Variants in TTBK2 observed in about 807,000 individuals in gnomAD.
TTBK2 encodes the protein tau-tubulin kinase 2.
A neutral mutation model predicts 110.8 loss-of-function variants in TTBK2; 28 were observed. The ratio of observed to expected loss-of-function variants is 0.25; its 90% CI spans 0.19 to 0.35. The LOEUF is 0.35. TTBK2 is among the 10% of genes least tolerant of loss of function. TTBK2 has a pLI of 1.00. For synonymous variants in TTBK2, 532 were observed against 527.3 expected, an observed-to-expected ratio of 1.01 and a Z score of -0.12; for missense variants, 1,369 against 1,500.3, an observed-to-expected ratio of 0.91 and a Z score of 1.45.
At chr15:42,783,000 A>G (rs1890244596) in intron 11 of TTBK2, among the ~76,000 whole-genome samples, 2 of 152,244 alleles carry the variant, frequency 1.3e-5, no homozygotes, top group South Asian at 2.1e-4. Context: ...CCTGATTACT[A>G]TTCATCCAGA....
At chr15:42,865,524 A>C (rs1433631391) in intron 3 of TTBK2, among the ~76,000 whole-genome samples, 2 of 88,994 alleles carry the variant, frequency 2.2e-5, no homozygotes, top group East Asian at 2.6e-4. Context: ...AAAAAAAAAA[A>C]AAAAACCAAC....
chr15:42,816,086 AT>A (rs1255097195), intron 7 of TTBK2, among the ~76,000 whole-genome samples: 2 of 20,072 alleles, frequency 1.0e-4, no homozygotes, highest in South Asian at 1.4e-3. Flanking sequence ...AAATAAATAA[AT>A]ATATATATAT....
rs1889865773 is a variant in TTBK2 at position 42,775,398 on chromosome 15, A to T, written c.1735T>A (p.Ser579Thr). The change falls in exon 13 of 15, where the codon TCT (serine) becomes ACT (threonine). Residue 579 changes from serine to threonine, a missense_variant. Ser to Thr is a moderately conservative substitution (Grantham distance 58). Coordinates refer to ENST00000267890, the MANE Select transcript of TTBK2 (RefSeq NM_173500.4). ...TGAAGTACTTCAGGCTCCTCATCAGAAGGACTTCCAGTTGTTTTATGTCCT... is the reference window on the plus strand; with the variant it reads ...TGAAGTACTTCAGGCTCCTCATCAGTAGGACTTCCAGTTGTTTTATGTCCT... ...AVGHKTTGSP[S>T]DEEPEVLQVL... 6.2e-7 allele frequency: 1 copy of T among 1,614,178 alleles called. No individual in the cohort carries two copies. Among genetic ancestry groups the T allele is most frequent in the Non-Finnish European group, 8.5e-7 (1 of 1,180,036 alleles).
In TTBK2 at chr15:42,864,974, A is replaced by G. The variant is rs551152556; in HGVS notation, c.217+7637T>C. ...ATGCTGAATATATATGATGACTACA[A>G]TGATATAAAGGACAGGAGGGAGAAA... On this transcript the variant is annotated intron_variant, in intron 3 of 14. Transcript: ENST00000267890. 4.5e-4 allele frequency among the ~76,000 whole-genome samples: 68 copies of G among 152,292 alleles called. 1 individual carries two copies. Among genetic ancestry groups the G allele is most frequent in the African/African-American group, 1.5e-3 (61 of 41,550 alleles).
At chr15:42,827,833 C>T (rs1892594955) in intron 6 of TTBK2, 95 bp downstream of exon 6, 2 of 955,616 alleles carry the variant, frequency 2.1e-6, no homozygotes, top group Non-Finnish European at 3.3e-6. Flanking sequence ...TAGATAACAT[C>T]CATTAGGATA....
intron 14 of TTBK2, among the ~76,000 whole-genome samples, chr15:42,751,733 G>C (rs2061868300): frequency 6.6e-6 from 1 of 152,190 alleles, no homozygotes; most frequent in Non-Finnish European, 1.5e-5. Flanking sequence ...GACAGAGCGA[G>C]ACTCTGTCTC....
chr15:42,882,447 A>AATAT (rs150094205), intron 1 of TTBK2, among the ~76,000 whole-genome samples: 13 of 147,700 alleles, frequency 8.8e-5, no homozygotes, highest in African/African-American at 2.7e-4. Context: ...TAAAATACAA[A>AATAT]ATATATATAT....
Position 42,817,060 on chromosome 15 carries a change from T to C in TTBK2, c.575A>G (p.Tyr192Cys). The change falls in exon 7 of 15, where the codon TAT becomes TGT. Residue 192 changes from tyrosine to cysteine, a missense_variant. Transcript: ENST00000267890. ...GTTCCGATGTGCGTTGATTGATGCA[T>C]AACGAACTGTCCCTCGAAAACCTGC... is the stretch of plus-strand genomic sequence containing the variant. ...AVAGFRGTVR[Y>C]ASINAHRNRE... 6.2e-7 allele frequency: 1 copy of C among 1,607,830 alleles called. No individual in the cohort carries two copies. Among genetic ancestry groups the C allele is most frequent in the Non-Finnish European group, 8.5e-7 (1 of 1,176,248 alleles).
chr15:42,761,874 C>G (rs1324406219), intron 13 of TTBK2, among the ~76,000 whole-genome samples: 6 of 152,192 alleles, frequency 3.9e-5, no homozygotes. Flanking sequence ...TGTGTCCCCA[C>G]CCAAATCTCA....
intron 1 of TTBK2, among the ~76,000 whole-genome samples, chr15:42,915,999 CAAAAAGAAAAAAGA>C (rs141313597): frequency 6.7e-6 from 1 of 149,100 alleles, no homozygotes; most frequent in African/African-American, 2.5e-5. Context: ...AAATAGGGAG[CAAAAAGAAAAAAGA>C]AAAAAGAAAA....
chr15:42,851,665 GAT>G (rs1315555690), intron 3 of TTBK2, among the ~76,000 whole-genome samples: 1 of 151,656 alleles, frequency 6.6e-6, no homozygotes, highest in Non-Finnish European at 1.5e-5. Context: ...TATTATTTTA[GAT>G]ATATGATTTT....
At chr15:42,848,226 T>C (rs1893548634) in intron 3 of TTBK2, among the ~76,000 whole-genome samples, 1 of 152,202 alleles carries the variant, frequency 6.6e-6, no homozygotes, top group South Asian at 2.1e-4. Context: ...AACATTCTTC[T>C]TCTTTTTCAA....
At chr15:42,786,504 A>G (rs10438263) in intron 10 of TTBK2, among the ~76,000 whole-genome samples, 2,326 of 152,196 alleles carry the variant, frequency 0.015, 59 homozygotes, top group African/African-American at 0.052. Context: ...ATCACTCAGT[A>G]TTCTTTCAAG....
intron 3 of TTBK2, among the ~76,000 whole-genome samples, chr15:42,851,749 A>G (rs1046009934): frequency 4.1e-4 from 62 of 152,270 alleles, no homozygotes; most frequent in African/African-American, 1.3e-3. Context: ...TAATATGCAT[A>G]GAACATTTCT....
chr15:42,744,585 T>C lies in TTBK2; in HGVS notation c.*1210A>G, dbSNP rs900106446. 4 of 152,146 alleles carry C rather than the reference T, an allele frequency of 2.6e-5. No individual in the cohort carries two copies. The highest frequency in any genetic ancestry group is 9.7e-5 in the African/African-American group (4 of 41,438). The allele number at this position is 152,146 out of a possible 1,614,324, so 9.4% of individuals were successfully genotyped here. On this transcript the variant is annotated 3_prime_UTR_variant, in exon 15 of 15. Coordinates refer to ENST00000267890, the MANE Select transcript of TTBK2 (RefSeq NM_173500.4). Reference sequence around the variant, plus strand: ...AGATTAGAACAAATATCTTCCTCTTTACAGCTTCGTAAATTGAGATTGTAT... The same window carrying C: ...AGATTAGAACAAATATCTTCCTCTTCACAGCTTCGTAAATTGAGATTGTAT...
At chr15:42,874,355 T>C (rs1894729643) in intron 2 of TTBK2, among the ~76,000 whole-genome samples, 1 of 151,978 alleles carries the variant, frequency 6.6e-6, no homozygotes, top group Admixed American at 6.6e-5. Context: ...CTCACACTGT[T>C]GCCAGGGCTG....
At chr15:42,828,722 CAAA>C (rs1223349148) in intron 5 of TTBK2, among the ~76,000 whole-genome samples, 4 of 50,638 alleles carry the variant, frequency 7.9e-5, no homozygotes, top group Non-Finnish European at 1.3e-4. Context: ...GACTCTGTCA[CAAA>C]AAAAAAAAAA....
At chr15:42,816,276 T>C (rs12593576) in intron 7 of TTBK2, among the ~76,000 whole-genome samples, 67,510 of 148,110 alleles carry the variant, frequency 0.46, 20,210 homozygotes, top group African/African-American at 0.85. Flanking sequence ...GCCACCATGC[T>C]CAGCTAATTT....
chr15:42,827,634 T>C (rs1273873896), intron 6 of TTBK2, among the ~76,000 whole-genome samples: 2 of 151,978 alleles, frequency 1.3e-5, no homozygotes, highest in African/African-American at 2.4e-5. Context: ...ATAACCGAAA[T>C]AGAATTATAG....
Sources: gnomAD v4.1 joint callset for allele counts (sites outside exome capture counted in the v4.1 genomes callset) on GRCh38, gnomAD v4.1.1 for gene constraint, MANE v1.5 for transcripts, NCBI Gene and HGNC (gene_info 2026-07-23, HGNC 2026-07-21) for gene names.